SYNJ1: variants seen among roughly 807,000 people sequenced by gnomAD.
SYNJ1 encodes polyphosphatidylinositol phosphatase SYNJ1.
A neutral mutation model predicts 168.2 loss-of-function variants in SYNJ1; 78 were observed. That is an observed-to-expected ratio of 0.46 (90% confidence interval 0.39 to 0.56). The LOEUF (loss-of-function observed/expected upper bound fraction) is 0.56, where lower values mean the gene tolerates loss of function less well. Among genes scored for constraint, SYNJ1 ranks in the 20% least tolerant of loss-of-function variants. SYNJ1 has a pLI of 0.00. For missense variants in SYNJ1, 1,303 were observed against 1,597.6 expected (o/e 0.82, Z 3.14); for synonymous variants, 539 against 548.6 (o/e 0.98, Z 0.24).
chr21:32,650,367 T>C, intron 22 of SYNJ1, 21 bp from the exon 23 acceptor site: 2 of 1,576,578 alleles, frequency 1.3e-6, no homozygotes, highest in African/African-American at 1.4e-5. Flanking sequence ...AAAAGAGATA[T>C]AAAATAAAGA....
At position 32,701,898 on chromosome 21, in the gene SYNJ1, A is replaced by G. The variant is rs1458013310; in HGVS notation, c.211+63T>C. ...AATAATTCATAGCTAGTCCCTCTCA[A>G]ATCCTTAGAATTACAAAATAGAAAT... On this transcript the variant is annotated intron_variant, in intron 3 of 32. Coordinates refer to ENST00000674351, the MANE Select transcript of SYNJ1 (RefSeq NM_203446.3). 8.4e-6 allele frequency: 11 copies of G among 1,303,444 alleles called. No individual in the cohort carries two copies. The East Asian group carries it at 2.4e-4, about 28-fold the overall frequency. The allele number at this position is 1,303,444 out of a possible 1,614,324, so 80.7% of individuals were successfully genotyped here.
chr21:32,699,640 A>G (rs1241361906), intron 4 of SYNJ1, among the ~76,000 whole-genome samples, 198 bp downstream of exon 4: 1 of 151,978 alleles, frequency 6.6e-6, no homozygotes, highest in African/African-American at 2.4e-5. Context: ...TTGCTCCCTC[A>G]AGGCGTTGGG....
intron 21 of SYNJ1, among the ~76,000 whole-genome samples, chr21:32,656,158 A>G (rs1025047086): frequency 6.6e-6 from 1 of 152,136 alleles, no homozygotes; most frequent in Non-Finnish European, 1.5e-5. Context: ...TTAGCTGGGT[A>G]TGGTGGCTCA....
Position 32,656,687 on chromosome 21 carries a change from C to T in SYNJ1, c.2795G>A (p.Arg932Lys). The T allele has an allele frequency of 6.2e-7, 1 of 1,610,338 alleles. No homozygotes were observed. Among genetic ancestry groups the T allele is most frequent in the Non-Finnish European group, 8.5e-7 (1 of 1,177,990 alleles). Reference protein sequence around the residue: ...FASFGEVILIRFVEDKMWVTF... With the variant: ...FASFGEVILIKFVEDKMWVTF... ...TACTTTTGCATAATAAACATCTTACCTTATAAGTATAACTTCACCAAAACT... is the reference window on the plus strand; with the variant it reads ...TACTTTTGCATAATAAACATCTTACTTTATAAGTATAACTTCACCAAAACT... The change falls in exon 21 of 33, where the codon AGA becomes AAA. Residue 932 changes from arginine to lysine, a missense_variant and splice_region_variant. This residue lies in a region of SYNJ1 where 920 missense variants were observed against 1,208.8 expected (regional missense o/e 0.76). Coordinates refer to ENST00000674351, the MANE Select transcript of SYNJ1 (RefSeq NM_203446.3).
Position 32,676,518 on chromosome 21 carries a change from C to T in SYNJ1, c.1511-163G>A, listed in dbSNP as rs183657946. On this transcript the variant is annotated intron_variant, in intron 12 of 32. Coordinates refer to ENST00000674351, the MANE Select transcript of SYNJ1 (RefSeq NM_203446.3). ...TAGAACACCAAGTGTTACAAATAAA[C>T]GACAATGATTGATACAAACCTTCTG... 2.6e-4 allele frequency among the ~76,000 whole-genome samples: 40 copies of T among 152,124 alleles called. 1 individual carries two copies. Among genetic ancestry groups the T allele is most frequent in the Middle Eastern group, 3.4e-3 (1 of 294 alleles).
At position 32,666,153 on chromosome 21, in the gene SYNJ1, C is replaced by A. The variant is rs1330201994; in HGVS notation, c.1953-18G>T. On this transcript the variant is annotated intron_variant, in intron 16 of 32. Transcript: ENST00000674351. ...CAACATCCCTTTGAAACAAAGAATT[C>A]TAAATCGCAGATTTGAAATTTCAAG... 2.5e-6 allele frequency: 4 copies of A among 1,575,656 alleles called. No homozygotes were observed. The highest frequency in any genetic ancestry group is 2.3e-5 in the South Asian group (2 of 85,590).
intron 1 of SYNJ1, among the ~76,000 whole-genome samples, chr21:32,727,145 G>GT (rs1283971117): frequency 6.6e-6 from 1 of 152,164 alleles, no homozygotes; most frequent in Non-Finnish European, 1.5e-5. Context: ...GCAAGACAAG[G>GT]TTTTAGCACT....
At chr21:32,666,195 G>A in intron 16 of SYNJ1, 60 bp from the exon 17 acceptor site, 1 of 1,532,418 alleles carries the variant, frequency 6.5e-7, no homozygotes, top group African/African-American at 1.4e-5. Flanking sequence ...ATGTGCATAG[G>A]AAATGAGGAA....
Position 32,654,980 on chromosome 21 carries a change from C to T in SYNJ1, c.2796-1614G>A, listed in dbSNP as rs371027334. On this transcript the variant is annotated intron_variant, in intron 21 of 32. Coordinates refer to ENST00000674351, the MANE Select transcript of SYNJ1 (RefSeq NM_203446.3). ...TCAGTGTTTGCTTTTTCTCTTCCAA[C>T]TTAGTCATCTTGGGGTTTAACAACC... 8.6e-4 allele frequency among the ~76,000 whole-genome samples: 131 copies of T among 152,314 alleles called. 1 individual carries two copies. The South Asian group carries it at 0.017, about 20-fold the overall frequency.
intron 21 of SYNJ1, 22 bp from the exon 22 acceptor site, chr21:32,653,388 A>C: frequency 6.4e-7 from 1 of 1,555,116 alleles, no homozygotes; most frequent in Non-Finnish European, 8.9e-7. Flanking sequence ...ACAATAAAAA[A>C]CCATAATTAA....
At chr21:32,695,852 T>C (rs1172871381) in intron 4 of SYNJ1, among the ~76,000 whole-genome samples, 1 of 150,394 alleles carries the variant, frequency 6.6e-6, no homozygotes, top group East Asian at 1.9e-4. Flanking sequence ...TTTTGTTTTT[T>C]TTTTTCTTTT....
At chr21:32,665,144 C>A (rs2040874773) in intron 17 of SYNJ1, 73 bp from the exon 18 acceptor site, 2 of 1,433,084 alleles carry the variant, frequency 1.4e-6, no homozygotes, top group Non-Finnish European at 1.9e-6. Context: ...TATTTCTTTG[C>A]CTGAGATATG....
At chr21:32,723,106 T>A (rs1223004622) in intron 2 of SYNJ1, among the ~76,000 whole-genome samples, 1 of 152,224 alleles carries the variant, frequency 6.6e-6, no homozygotes, top group Non-Finnish European at 1.5e-5. Flanking sequence ...TGTCATAACA[T>A]CATGACTGAT....
rs560103658 is a variant in SYNJ1 at position 32,695,603 on chromosome 21, C to G, written c.480-321G>C. Reference sequence around the variant, plus strand: ...AGGAATACATATGCATGTCCCCACCCCAATTTATGAAGCTCTACTTTTTAA... The same window carrying G: ...AGGAATACATATGCATGTCCCCACCGCAATTTATGAAGCTCTACTTTTTAA... On this transcript the variant is annotated intron_variant, in intron 4 of 32. Transcript: ENST00000674351. Among the ~76,000 whole-genome samples the G allele has an allele frequency of 4.0e-5, 6 of 151,654 alleles. No individual in the cohort carries two copies. In the East Asian group the frequency reaches 9.7e-4, roughly 24 times the overall value.
Position 32,698,310 on chromosome 21 carries a change from A to C in SYNJ1, c.479+1528T>G, listed in dbSNP as rs116139103. On this transcript the variant is annotated intron_variant, in intron 4 of 32. Transcript: ENST00000674351. ...ACAACGTGACCAAGCTGTTGCTCTA[A>C]AGTTAAGTTTCTTATCCTAAGTTTG... Among the ~76,000 whole-genome samples the C allele has an allele frequency of 1.2e-3, 180 of 152,312 alleles. 1 individual carries two copies. Among genetic ancestry groups the C allele is most frequent in the African/African-American group, 4.2e-3 (173 of 41,548 alleles).
chr21:32,678,619 A>G, intron 12 of SYNJ1, 26 bp downstream of exon 12: 1 of 1,516,940 alleles, frequency 6.6e-7, no homozygotes, highest in Non-Finnish European at 8.8e-7. Context: ...AATATAAATA[A>G]CAAATAAAAT....
chr21:32,691,334 G>A (rs1451380802), intron 6 of SYNJ1, among the ~76,000 whole-genome samples: 3 of 152,072 alleles, frequency 2.0e-5, no homozygotes, highest in Non-Finnish European at 4.4e-5. Flanking sequence ...GAGACTCCTC[G>A]CTCCCCTTTT....
intron 32 of SYNJ1, among the ~76,000 whole-genome samples, chr21:32,632,975 G>A (rs921515689): frequency 6.6e-6 from 1 of 152,032 alleles, no homozygotes; most frequent in African/African-American, 2.4e-5. Context: ...AGCTGAGATC[G>A]CACCACCGCA....
Position 32,700,014 on chromosome 21 carries a change from A to C in SYNJ1, c.303T>G (p.Thr101=). 6.2e-7 allele frequency: 1 copy of C among 1,614,200 alleles called. No homozygotes were observed. Among genetic ancestry groups the C allele is most frequent in the African/African-American group, 1.3e-5 (1 of 75,064 alleles). Residue 101 remains threonine (T), a synonymous_variant, in exon 4 of 33, where the codon ACT becomes ACG. Coordinates refer to ENST00000674351, the MANE Select transcript of SYNJ1 (RefSeq NM_203446.3). The part of the protein sequence containing the change: ...QESEVFRVTS[T]EFISLRIDSS... ...AATCGATTCGCAGTGATATAAACTCAGTGGAAGTAACTCGGAAAACTTCAG... is the reference window on the plus strand; with the variant it reads ...AATCGATTCGCAGTGATATAAACTCCGTGGAAGTAACTCGGAAAACTTCAG...
Sources: allele counts gnomAD v4.1 joint callset (sites outside exome capture counted in the v4.1 genomes callset), GRCh38; gene constraint gnomAD v4.1.1; regional missense constraint gnomAD v4.1.1; transcripts MANE v1.5; gene names NCBI Gene and HGNC (gene_info 2026-07-23, HGNC 2026-07-21).